ANK2: variants seen among roughly 807,000 people sequenced by gnomAD.
The protein encoded by ANK2 is ankyrin-2.
ANK2 carries 83 observed loss-of-function variants against 360.5 expected under a neutral mutation model. That is an observed-to-expected ratio of 0.23 (90% CI 0.19 to 0.28). ANK2 has a LOEUF of 0.28. Ranked by LOEUF, ANK2 falls within the 10% of genes least tolerant of loss-of-function variation. The pLI is 1.00. For missense variants in ANK2, 4,201 were observed against 4,795.7 expected (o/e 0.88, Z 3.66); for synonymous variants, 1,740 against 1,759.5 (o/e 0.99, Z 0.28).
At chr4:112,800,898 AC>A in the ANK2 span, among the ~76,000 whole-genome samples, 2 of 151,892 alleles carry the variant, frequency 1.3e-5, 1 homozygote, top group Non-Finnish European at 2.9e-5. Context: ...CAGGTAATCC[AC>A]CCACCCCGAC....
chr4:112,954,205 C>A (rs2095213010), intron 2 of ANK2, among the ~76,000 whole-genome samples: 1 of 142,876 alleles, frequency 7.0e-6, no homozygotes, highest in Non-Finnish European at 1.5e-5. Flanking sequence ...TTCTCCTCCC[C>A]TCCCCTCCCA....
intron 26 of ANK2, among the ~76,000 whole-genome samples, chr4:113,320,996 GT>G (rs2085901177): frequency 6.6e-6 from 1 of 152,200 alleles, no homozygotes; most frequent in Admixed American, 6.5e-5. Flanking sequence ...CACACTCTAT[GT>G]TGTTATTTAA....
At chr4:113,287,765 C>T in intron 19 of ANK2, 62 bp downstream of exon 19, 1 of 1,397,886 alleles carries the variant, frequency 7.2e-7, no homozygotes, top group Non-Finnish European at 1.0e-6. Flanking sequence ...CAGTAGCCCC[C>T]ATTCGGGTCA....
At chr4:113,090,706 T>C (rs770473854) in intron 1 of ANK2, among the ~76,000 whole-genome samples, 13 of 152,362 alleles carry the variant, frequency 8.5e-5, no homozygotes, top group Non-Finnish European at 1.8e-4. Context: ...GAAGATTTTA[T>C]GTAAAAGTCT....
chr4:112,804,581 C>T, the ANK2 span, among the ~76,000 whole-genome samples: 13 of 152,162 alleles, frequency 8.5e-5, no homozygotes, highest in South Asian at 4.2e-4. Flanking sequence ...CAGAAGATAT[C>T]GAGGACTTGG....
intron 24 of ANK2, among the ~76,000 whole-genome samples, chr4:113,316,124 G>A (rs2082843596): frequency 6.6e-6 from 1 of 152,080 alleles, no homozygotes; most frequent in Admixed American, 6.6e-5. Flanking sequence ...TCCAATTGCT[G>A]GAGCTAAAAC....
intron 13 of ANK2, among the ~76,000 whole-genome samples, chr4:113,260,035 T>C (rs2051878562): frequency 6.6e-6 from 1 of 152,162 alleles, no homozygotes; most frequent in African/African-American, 2.4e-5. Flanking sequence ...TTACAATATG[T>C]TATCACATTA....
chr4:112,821,863 C>T (rs553949287), intron 1 of ANK2, among the ~76,000 whole-genome samples: 10 of 151,656 alleles, frequency 6.6e-5, no homozygotes, highest in African/African-American at 1.9e-4. Flanking sequence ...GCATCCTGGG[C>T]TCAAGCCATC....
At chr4:112,827,473 T>C in intron 1 of ANK2, 1 of 1,352,818 alleles carries the variant, frequency 7.4e-7, no homozygotes. Flanking sequence ...TTCTGGGACA[T>C]CCAGCCTGAC....
At chr4:113,128,473 A>C (rs1020840531) in intron 1 of ANK2, among the ~76,000 whole-genome samples, 1 of 152,192 alleles carries the variant, frequency 6.6e-6, no homozygotes, top group Admixed American at 6.5e-5. Flanking sequence ...TGAAAATATC[A>C]TATGAACTCG....
At chr4:112,985,368 G>T (rs2044491436) in intron 2 of ANK2, among the ~76,000 whole-genome samples, 1 of 152,160 alleles carries the variant, frequency 6.6e-6, no homozygotes, top group Non-Finnish European at 1.5e-5. Flanking sequence ...GAGTCTATTT[G>T]CTTCCCCACT....
At chr4:112,951,210 A>C (rs2094962060) in intron 2 of ANK2, among the ~76,000 whole-genome samples, 1 of 151,848 alleles carries the variant, frequency 6.6e-6, no homozygotes, top group Non-Finnish European at 1.5e-5. Context: ...AGTATTGTTT[A>C]TGATAGGGAA....
intron 4 of ANK2, among the ~76,000 whole-genome samples, chr4:113,212,213 G>A (rs938569915): frequency 4.6e-5 from 7 of 152,092 alleles, no homozygotes; most frequent in Non-Finnish European, 8.8e-5. Context: ...GATGAAAATT[G>A]TAATCTGTAT....
intron 1 of ANK2, among the ~76,000 whole-genome samples, chr4:113,170,390 G>T (rs1374091242): frequency 6.6e-6 from 1 of 152,078 alleles, no homozygotes; most frequent in Non-Finnish European, 1.5e-5. Flanking sequence ...GACCATTCTT[G>T]TCTCTGTACT....
intron 1 of ANK2, among the ~76,000 whole-genome samples, 187 bp from the exon 2 acceptor site, chr4:113,174,227 ACT>A (rs951541425): frequency 1.3e-5 from 2 of 152,096 alleles, no homozygotes; most frequent in Admixed American, 1.3e-4. Flanking sequence ...TACTTAGACA[ACT>A]CTCTAGAAAT....
Position 113,073,449 on chromosome 4 carries a change from G to T in ANK2, c.84+23637G>T, listed in dbSNP as rs537347078. Reference sequence around the variant, plus strand: ...ATGCACTGGGATTGTGCAGCCAGGAGAAATCAATCTACCTAGATTGCCTAT... The same window carrying T: ...ATGCACTGGGATTGTGCAGCCAGGATAAATCAATCTACCTAGATTGCCTAT... On this transcript the variant is annotated intron_variant, in intron 1 of 45. Coordinates refer to ENST00000357077, the MANE Select transcript of ANK2 (RefSeq NM_001148.6). 2.0e-3 allele frequency among the ~76,000 whole-genome samples: 300 copies of T among 152,222 alleles called. 1 individual carries two copies. Among genetic ancestry groups the T allele is most frequent in the African/African-American group, 6.8e-3 (282 of 41,546 alleles).
Position 113,019,434 on chromosome 4 carries a change from A to G in ANK2, c.21+114920A>G, listed in dbSNP as rs573718891. Among the ~76,000 whole-genome samples the G allele has an allele frequency of 2.8e-4, 42 of 152,336 alleles. 1 individual carries two copies. In the South Asian group the frequency reaches 3.7e-3, roughly 14 times the overall value. ...ATAGCCTTTGATCATATGGACAGAA[A>G]TAAATCAGGTATAATAAAACACACA... On this transcript the variant is annotated intron_variant, in intron 2 of 30. Coordinates refer to the ANK2 transcript ENST00000503271.
the ANK2 span, among the ~76,000 whole-genome samples, chr4:112,721,302 G>T: frequency 2.0e-5 from 3 of 152,146 alleles, no homozygotes; most frequent in Non-Finnish European, 4.4e-5. Context: ...CACTTTGGGA[G>T]GCCAAGGCAG....
chr4:112,849,316 C>T (rs1248911013), intron 1 of ANK2, among the ~76,000 whole-genome samples: 2 of 152,094 alleles, frequency 1.3e-5, no homozygotes, highest in Non-Finnish European at 2.9e-5. Flanking sequence ...CTTTTAATGA[C>T]GTTAAAAGAA....
Sources: gnomAD v4.1 joint callset for allele counts (sites outside exome capture counted in the v4.1 genomes callset) on GRCh38, gnomAD v4.1.1 for gene constraint, MANE v1.5 for transcripts, NCBI Gene and HGNC (gene_info 2026-07-23, HGNC 2026-07-21) for gene names.